The following GATAD2B variants were observed in gnomAD, a reference collection of about 807,000 sequenced individuals.
GATAD2B encodes transcriptional repressor p66-beta.
GATAD2B carries 8 observed loss-of-function variants against 64.3 expected under a neutral mutation model. The ratio of observed to expected loss-of-function variants is 0.12; its 90% CI spans 0.07 to 0.22. The LOEUF (loss-of-function observed/expected upper bound fraction) is 0.22, where lower values mean the gene tolerates loss of function less well. Among genes scored for constraint, GATAD2B ranks in the 10% least tolerant of loss-of-function variants. The probability of loss-of-function intolerance (pLI) is 1.00; values close to 1 mark genes in which losing one functional copy is unlikely to be tolerated. For missense variants in GATAD2B, 453 were observed against 752.0 expected, an observed-to-expected ratio of 0.60 and a Z score of 4.65; for synonymous variants, 281 against 271.3, an observed-to-expected ratio of 1.04 and a Z score of -0.35.
intron 1 of GATAD2B, among the ~76,000 whole-genome samples, chr1:153,844,395 A>G (rs1361915402): frequency 6.7e-6 from 1 of 150,064 alleles, no homozygotes; most frequent in Non-Finnish European, 1.5e-5. Context: ...AGTACTGCTT[A>G]GTTTAAGTAC....
intron 1 of GATAD2B, among the ~76,000 whole-genome samples, chr1:153,845,757 C>CA (rs1178593921): frequency 6.6e-6 from 1 of 151,366 alleles, no homozygotes; most frequent in African/African-American, 2.4e-5. Flanking sequence ...GACTCTATCT[C>CA]AAAAAAATAA....
intron 2 of GATAD2B, among the ~76,000 whole-genome samples, chr1:153,822,394 G>A (rs1674711921): frequency 1.3e-5 from 2 of 152,090 alleles, no homozygotes; most frequent in African/African-American, 4.8e-5. Flanking sequence ...ATGGAGATTT[G>A]GGAACTGTAT....
intron 1 of GATAD2B, among the ~76,000 whole-genome samples, chr1:153,836,826 C>T (rs1370836906): frequency 6.6e-6 from 1 of 152,154 alleles, no homozygotes; most frequent in Non-Finnish European, 1.5e-5. Context: ...GCCATCATTA[C>T]CTTGGCTCCT....
intron 1 of GATAD2B, among the ~76,000 whole-genome samples, chr1:153,871,691 G>A (rs965702911): frequency 6.6e-6 from 1 of 151,438 alleles, no homozygotes; most frequent in Non-Finnish European, 1.5e-5. Flanking sequence ...GGCTGGTCTC[G>A]ACCTCCTGGC....
At chr1:153,882,874 T>C (rs1278571281) in intron 1 of GATAD2B, among the ~76,000 whole-genome samples, 2 of 152,162 alleles carry the variant, frequency 1.3e-5, no homozygotes, top group African/African-American at 4.8e-5. Flanking sequence ...TTCCCCAAAG[T>C]GCTGATATGG....
chr1:153,869,929 C>T (rs1179926786), intron 1 of GATAD2B, among the ~76,000 whole-genome samples: 3 of 151,804 alleles, frequency 2.0e-5, no homozygotes, highest in Non-Finnish European at 4.4e-5. Flanking sequence ...AGTTCAAGAC[C>T]AGCTGGAACA....
chr1:153,827,997 C>G lies in GATAD2B; in HGVS notation c.335+16G>C. On this transcript the variant is annotated intron_variant, in intron 2 of 10. Transcript: ENST00000368655. ...GAGACGACCCTATCCCTGGAGGCAG[C>G]TGAACTGAGCCATACCTCCGTCTAG... 1 of 1,597,090 alleles carries G rather than the reference C, an allele frequency of 6.3e-7. No homozygotes were observed. Among genetic ancestry groups the G allele is most frequent in the Middle Eastern group, 1.7e-4 (1 of 6,000 alleles).
Position 153,834,484 on chromosome 1 carries a change from G to A in GATAD2B, c.-1-6136C>T, listed in dbSNP as rs151336934. ...ATCTCAGCTCACCTCCACCTTCCAG[G>A]TTCAAGCAATTCTCCTGCCTCAGTC... On this transcript the variant is annotated intron_variant, in intron 1 of 10. Coordinates refer to ENST00000368655, the MANE Select transcript of GATAD2B (RefSeq NM_020699.4). Among the ~76,000 whole-genome samples the A allele has an allele frequency of 6.3e-3, 963 of 152,052 alleles. 14 individuals carry two copies. Among genetic ancestry groups the A allele is most frequent in the Non-Finnish European group, 9.2e-3 (626 of 67,966 alleles).
chr1:153,877,316 C>T (rs936130530), intron 1 of GATAD2B, among the ~76,000 whole-genome samples: 1 of 152,204 alleles, frequency 6.6e-6, no homozygotes, highest in Admixed American at 6.6e-5. Flanking sequence ...GCACTCCAGC[C>T]TGGGCAACAG....
At chr1:153,899,467 T>G (rs1205433909) in intron 1 of GATAD2B, among the ~76,000 whole-genome samples, 2 of 151,258 alleles carry the variant, frequency 1.3e-5, no homozygotes, top group African/African-American at 4.9e-5. Context: ...CTTGGGAGGC[T>G]GAGGCAGGAA....
intron 1 of GATAD2B, among the ~76,000 whole-genome samples, chr1:153,884,328 A>G (rs1022039002): frequency 2.0e-5 from 3 of 152,210 alleles, no homozygotes; most frequent in Non-Finnish European, 4.4e-5. Flanking sequence ...CTGTAGTCCC[A>G]GCTACTCCGG....
At chr1:153,904,999 C>T (rs967443200) in intron 1 of GATAD2B, among the ~76,000 whole-genome samples, 3 of 151,310 alleles carry the variant, frequency 2.0e-5, no homozygotes, top group Non-Finnish European at 4.4e-5. Flanking sequence ...GAGCCACCGC[C>T]CTGGCCCTAA....
intron 1 of GATAD2B, among the ~76,000 whole-genome samples, chr1:153,868,732 T>C (rs1352042270): frequency 2.0e-5 from 3 of 150,880 alleles, no homozygotes; most frequent in Non-Finnish European, 1.5e-5. Flanking sequence ...ATATATATAC[T>C]ATATACTTTT....
In GATAD2B at chr1:153,818,101, G is replaced by C. The variant is rs1674546494; in HGVS notation, c.668C>G (p.Ser223Cys). The change falls in exon 5 of 11, where the codon TCT becomes TGT. Residue 223 changes from serine (S) to cysteine (C), a missense_variant. Transcript: ENST00000368655. ...SPAHVGQQGL[S>C]KLPSRPGAQG... ...GGCCCCAGGCCGAGAGGGAAGCTTA[G>C]ATAGGCCCTGCTGTCCCACATGGGC... 6.2e-7 allele frequency: 1 copy of C among 1,613,230 alleles called. No individual in the cohort carries two copies. The highest frequency in any genetic ancestry group is 8.5e-7 in the Non-Finnish European group (1 of 1,179,450).
chr1:153,827,289 AAG>A (rs2101890813), intron 2 of GATAD2B, among the ~76,000 whole-genome samples: 2 of 151,402 alleles, frequency 1.3e-5, no homozygotes, highest in East Asian at 3.9e-4. Context: ...AAAAAACAAA[AAG>A]AAAAAAAAAA....
chr1:153,879,250 T>C (rs1457178497), intron 1 of GATAD2B, among the ~76,000 whole-genome samples: 25 of 151,998 alleles, frequency 1.6e-4, no homozygotes, highest in Admixed American at 1.5e-3. Flanking sequence ...AATTTTTTTA[T>C]TTTTAGTAGA....
intron 1 of GATAD2B, among the ~76,000 whole-genome samples, chr1:153,883,778 T>C (rs1013178554): frequency 3.9e-5 from 6 of 152,032 alleles, no homozygotes; most frequent in Admixed American, 1.3e-4. Flanking sequence ...GCAATTACCA[T>C]TGATTGCCAT....
At chr1:153,849,450 A>T (rs1675810855) in intron 1 of GATAD2B, among the ~76,000 whole-genome samples, 1 of 152,216 alleles carries the variant, frequency 6.6e-6, no homozygotes, top group Admixed American at 6.5e-5. Context: ...CAGATATCTA[A>T]CAGGCATTTT....
At chr1:153,861,446 G>GA (rs1557809574) in intron 1 of GATAD2B, among the ~76,000 whole-genome samples, 1 of 150,714 alleles carries the variant, frequency 6.6e-6, no homozygotes, top group Admixed American at 6.6e-5. Context: ...AAAAAAAGAG[G>GA]AAAAAAAGGT....
Sources: gnomAD v4.1 joint callset for allele counts (sites outside exome capture counted in the v4.1 genomes callset) on GRCh38, gnomAD v4.1.1 for gene constraint, MANE v1.5 for transcripts, NCBI Gene and HGNC (gene_info 2026-07-23, HGNC 2026-07-21) for gene names.